The following CCBE1 variants were observed in gnomAD, a reference collection of about 807,000 sequenced individuals.
CCBE1 encodes the protein collagen and calcium-binding EGF domain-containing protein 1.
Under a neutral mutation model 50.0 loss-of-function variants are expected in CCBE1, and 37 were observed. That is an observed-to-expected ratio of 0.74 (90% CI 0.57 to 0.97). The LOEUF is 0.97. Among genes scored for constraint, CCBE1 ranks in the 50% least tolerant of loss-of-function variants. The pLI is 0.00. For synonymous variants in CCBE1, 234 were observed against 203.7 expected, an observed-to-expected ratio of 1.15 and a Z score of -1.27; for missense variants, 538 against 523.8, an observed-to-expected ratio of 1.03 and a Z score of -0.26.
intron 2 of CCBE1, among the ~76,000 whole-genome samples, chr18:59,598,271 C>T (rs1423170403): frequency 6.6e-6 from 1 of 152,104 alleles, no homozygotes; most frequent in Non-Finnish European, 1.5e-5. Context: ...GTCCCTTCAC[C>T]CCAGAATCAC....
intron 2 of CCBE1, among the ~76,000 whole-genome samples, chr18:59,591,379 T>C (rs1384140229): frequency 1.4e-5 from 2 of 145,344 alleles, no homozygotes; most frequent in Non-Finnish European, 3.0e-5. Flanking sequence ...AAAAATGCCA[T>C]AAGCAAAGTC....
At chr18:59,653,739 A>G (rs936385825) in intron 2 of CCBE1, among the ~76,000 whole-genome samples, 1 of 152,266 alleles carries the variant, frequency 6.6e-6, no homozygotes, top group Admixed American at 6.5e-5. Context: ...GGTTAAATTC[A>G]GAACCAGGCA....
chr18:59,616,365 T>A (rs2564478), intron 2 of CCBE1, among the ~76,000 whole-genome samples: 84,520 of 151,966 alleles, frequency 0.56, 25,187 homozygotes, highest in East Asian at 0.78. Context: ...TGTGATTAAC[T>A]CAAGTTCCAA....
chr18:59,590,538 A>G (rs2053248897), intron 2 of CCBE1, among the ~76,000 whole-genome samples: 1 of 152,196 alleles, frequency 6.6e-6, no homozygotes, highest in African/African-American at 2.4e-5. Context: ...TCCACATGGA[A>G]AACTGAACAT....
chr18:59,504,655 A>C (rs545872250), intron 2 of CCBE1, among the ~76,000 whole-genome samples: 2 of 152,330 alleles, frequency 1.3e-5, no homozygotes, highest in Non-Finnish European at 2.9e-5. Context: ...TGTGCCTTAG[A>C]AGTCCTAGAC....
intron 2 of CCBE1, among the ~76,000 whole-genome samples, chr18:59,570,572 C>T (rs989457341): frequency 2.0e-5 from 3 of 152,058 alleles, no homozygotes; most frequent in African/African-American, 7.2e-5. Flanking sequence ...GACTTGTTAC[C>T]AGGATCCCTG....
chr18:59,519,848 A>G (rs1914524650), intron 2 of CCBE1, among the ~76,000 whole-genome samples: 1 of 152,202 alleles, frequency 6.6e-6, no homozygotes, highest in Non-Finnish European at 1.5e-5. Flanking sequence ...TAATTTTTGT[A>G]TAAGGTGTAA....
chr18:59,584,657 C>A (rs2053150672), intron 2 of CCBE1, among the ~76,000 whole-genome samples: 1 of 152,112 alleles, frequency 6.6e-6, no homozygotes, highest in African/African-American at 2.4e-5. Context: ...AACTGTTTAG[C>A]ACCTCCCCGT....
intron 10 of CCBE1, 24 bp from the exon 11 acceptor site, chr18:59,436,165 G>A (rs1598898441): frequency 6.2e-7 from 1 of 1,606,872 alleles, no homozygotes; most frequent in African/African-American, 1.3e-5. Context: ...AGGAATCAAA[G>A]CTAGAATACG....
At chr18:59,628,721 C>T (rs1039901220) in intron 2 of CCBE1, among the ~76,000 whole-genome samples, 2 of 152,174 alleles carry the variant, frequency 1.3e-5, no homozygotes, top group African/African-American at 2.4e-5. Context: ...CCCGAGGACC[C>T]AGACCTGTAT....
chr18:59,557,294 A>G (rs1483311763), intron 2 of CCBE1, among the ~76,000 whole-genome samples: 1 of 152,168 alleles, frequency 6.6e-6, no homozygotes, highest in Admixed American at 6.5e-5. Context: ...TTTCTTCTCC[A>G]AATACCAGCC....
intron 2 of CCBE1, among the ~76,000 whole-genome samples, chr18:59,549,437 C>T (rs994531726): frequency 1.5e-4 from 23 of 152,204 alleles, no homozygotes; most frequent in South Asian, 1.0e-3. Flanking sequence ...GGTCCCCCAA[C>T]GCCAACCGAA....
intron 2 of CCBE1, among the ~76,000 whole-genome samples, chr18:59,693,381 T>C (rs1313671721): frequency 2.0e-5 from 3 of 152,190 alleles, no homozygotes; most frequent in African/African-American, 7.2e-5. Flanking sequence ...CAACTTGAGA[T>C]GTGTGAAGGC....
At chr18:59,681,954 C>A (rs186188284) in intron 2 of CCBE1, among the ~76,000 whole-genome samples, 3 of 152,318 alleles carry the variant, frequency 2.0e-5, no homozygotes, top group Admixed American at 2.0e-4. Flanking sequence ...GTCAGACGGT[C>A]AGACCTGGAA....
Position 59,601,010 on chromosome 18 carries a change from G to GTTTTTTTTTTTTTTTTTTTTTTTTT in CCBE1, c.212+95594_212+95618dup, listed in dbSNP as rs71177045. ...GATCTATTTTATTAGCTATGTGTCA[G>GTTTTTTTTTTTTTTTTTTTTTTTTT]TTTTTTTTTTTTTTTTTTTTTTTTT... On this transcript the variant is annotated intron_variant, in intron 2 of 10. Transcript: ENST00000439986. Among the ~76,000 whole-genome samples, 8 of 58,004 alleles carry GTTTTTTTTTTTTTTTTTTTTTTTTT rather than the reference G, an allele frequency of 1.4e-4. 1 individual carries two copies. Among genetic ancestry groups the GTTTTTTTTTTTTTTTTTTTTTTTTT allele is most frequent in the Non-Finnish European group, 2.1e-4 (6 of 28,344 alleles). 38.1% of individuals were successfully genotyped at this position (58,004 alleles called of 152,430 possible). A position where few individuals can be genotyped will look rare whatever the true frequency, so the allele number is the denominator to read the frequency against.
chr18:59,665,767 C>G (rs2054346350), intron 2 of CCBE1, among the ~76,000 whole-genome samples: 1 of 152,188 alleles, frequency 6.6e-6, no homozygotes, highest in African/African-American at 2.4e-5. Flanking sequence ...CACTAAAAAG[C>G]ACACTGCTCA....
At chr18:59,594,644 T>C (rs1344500109) in intron 2 of CCBE1, among the ~76,000 whole-genome samples, 3 of 152,168 alleles carry the variant, frequency 2.0e-5, no homozygotes, top group African/African-American at 7.2e-5. Flanking sequence ...AAGTGAACTT[T>C]CTTAAAAGGG....
chr18:59,645,236 C>T (rs1004060233), intron 2 of CCBE1, among the ~76,000 whole-genome samples: 6 of 152,112 alleles, frequency 3.9e-5, no homozygotes, highest in African/African-American at 9.7e-5. Flanking sequence ...TCAACAACAA[C>T]AACAAAAAAG....
Position 59,475,350 on chromosome 18 carries a change from A to G in CCBE1, c.265+4836T>C, listed in dbSNP as rs549200450. 7.5e-4 allele frequency among the ~76,000 whole-genome samples: 114 copies of G among 152,332 alleles called. 1 individual carries two copies. Among genetic ancestry groups the G allele is most frequent in the African/African-American group, 2.4e-3 (100 of 41,586 alleles). ...TTAAAAACCTTTACAACTTGCTACT[A>G]ATCAACATGAAATATAAATGGTTCG... On this transcript the variant is annotated intron_variant, in intron 3 of 10. Transcript: ENST00000439986.
Sources: gnomAD v4.1 joint callset for allele counts (sites outside exome capture counted in the v4.1 genomes callset) on GRCh38, gnomAD v4.1.1 for gene constraint, MANE v1.5 for transcripts, NCBI Gene and HGNC (gene_info 2026-07-23, HGNC 2026-07-21) for gene names.